TNR: variants seen among roughly 807,000 people sequenced by gnomAD.
The protein encoded by TNR is tenascin-R.
In TNR, 45 loss-of-function variants were observed where a neutral mutation model predicts 150.4. The ratio of observed to expected loss-of-function variants is 0.30; its 90% CI spans 0.24 to 0.38. The LOEUF is 0.38. TNR is among the 10% of genes least tolerant of loss of function. TNR has a pLI of 1.00. For missense variants in TNR, 1,544 were observed against 1,759.1 expected, an observed-to-expected ratio of 0.88 and a Z score of 2.19; for synonymous variants, 687 against 678.4, an observed-to-expected ratio of 1.01 and a Z score of -0.20.
chr1:175,536,699 C>T (rs1660304741), intron 1 of TNR, among the ~76,000 whole-genome samples: 1 of 152,188 alleles, frequency 6.6e-6, no homozygotes, highest in Admixed American at 6.5e-5. Flanking sequence ...ACCTTCTCAG[C>T]TAGAATACAA....
At chr1:175,489,262 G>A (rs896367842) in intron 2 of TNR, among the ~76,000 whole-genome samples, 3 of 152,140 alleles carry the variant, frequency 2.0e-5, no homozygotes, top group Non-Finnish European at 4.4e-5. Context: ...CTCACAAAGG[G>A]CACATCCACT....
At chr1:175,489,322 A>G (rs962499288) in intron 2 of TNR, among the ~76,000 whole-genome samples, 1 of 152,168 alleles carries the variant, frequency 6.6e-6, no homozygotes, top group Non-Finnish European at 1.5e-5. Flanking sequence ...ATCTCATGCA[A>G]GAAAGACTGT....
intron 1 of TNR, among the ~76,000 whole-genome samples, chr1:175,714,697 G>A (rs1252803208): frequency 6.6e-6 from 1 of 152,176 alleles, no homozygotes; most frequent in African/African-American, 2.4e-5. Context: ...AAAATCGATA[G>A]GCGCTTTAAT....
chr1:175,688,176 G>A (rs890562000), intron 1 of TNR, among the ~76,000 whole-genome samples: 2 of 152,202 alleles, frequency 1.3e-5, no homozygotes, highest in African/African-American at 2.4e-5. Context: ...CCTCAGCTCT[G>A]CTGAGTGCCA....
At chr1:175,417,369 C>T (rs1235391778) in intron 2 of TNR, among the ~76,000 whole-genome samples, 2 of 152,040 alleles carry the variant, frequency 1.3e-5, no homozygotes, top group African/African-American at 2.4e-5. Flanking sequence ...ATAGAATCAA[C>T]AAAGTTAACT....
chr1:175,469,901 G>A (rs775525517), intron 2 of TNR, among the ~76,000 whole-genome samples: 36 of 152,082 alleles, frequency 2.4e-4, no homozygotes, highest in Non-Finnish European at 4.7e-4. Context: ...GAGAGTGAGG[G>A]CATCAGCTGC....
chr1:175,600,953 A>G (rs762879253), intron 1 of TNR, among the ~76,000 whole-genome samples: 3 of 152,244 alleles, frequency 2.0e-5, no homozygotes, highest in Non-Finnish European at 4.4e-5. Context: ...TTCCTCTGAC[A>G]GTTCCTCATT....
intron 1 of TNR, among the ~76,000 whole-genome samples, chr1:175,566,311 G>C (rs1369398910): frequency 1.3e-5 from 2 of 152,238 alleles, no homozygotes; most frequent in Non-Finnish European, 2.9e-5. Flanking sequence ...AAATAAAAAG[G>C]AGATGAAATC....
intron 1 of TNR, among the ~76,000 whole-genome samples, chr1:175,713,351 T>A (rs538231757): frequency 2.6e-5 from 4 of 152,150 alleles, no homozygotes; most frequent in Admixed American, 6.5e-5. Flanking sequence ...GCCCCTATCC[T>A]TTTTTTCCCC....
At chr1:175,391,571 A>C (rs981432752) in intron 6 of TNR, 133 bp from the exon 7 acceptor site, 38 of 995,412 alleles carry the variant, frequency 3.8e-5, no homozygotes, top group Non-Finnish European at 4.9e-5. Flanking sequence ...TCTTTCCTCC[A>C]TGCTGACAGC....
At chr1:175,452,582 G>A (rs1656375699) in intron 2 of TNR, among the ~76,000 whole-genome samples, 1 of 152,218 alleles carries the variant, frequency 6.6e-6, no homozygotes, top group African/African-American at 2.4e-5. Context: ...CTGGGCAGAG[G>A]CTCACATGGC....
intron 1 of TNR, among the ~76,000 whole-genome samples, chr1:175,530,722 C>T (rs1226739056): frequency 6.7e-6 from 1 of 149,552 alleles, no homozygotes; most frequent in African/African-American, 2.5e-5. Context: ...AGTGCACTCT[C>T]TTTTTTTTTT....
intron 1 of TNR, among the ~76,000 whole-genome samples, chr1:175,598,719 G>A (rs1193724134): frequency 6.6e-6 from 1 of 152,192 alleles, no homozygotes; most frequent in Non-Finnish European, 1.5e-5. Flanking sequence ...GACAGAATAT[G>A]GGTCACATCT....
chr1:175,686,805 T>C (rs1435216096), intron 1 of TNR, among the ~76,000 whole-genome samples: 1 of 152,238 alleles, frequency 6.6e-6, no homozygotes, highest in East Asian at 1.9e-4. Flanking sequence ...TCCATGTTGC[T>C]GTAAAGAACA....
intron 2 of TNR, among the ~76,000 whole-genome samples, chr1:175,475,060 G>A (rs1167854578): frequency 6.6e-6 from 1 of 152,186 alleles, no homozygotes; most frequent in Admixed American, 6.5e-5. Flanking sequence ...AGCAACAGCT[G>A]CTCATATAAT....
chr1:175,325,676 T>C (rs1225860352), intron 21 of TNR, among the ~76,000 whole-genome samples: 1 of 152,194 alleles, frequency 6.6e-6, no homozygotes, highest in Non-Finnish European at 1.5e-5. Context: ...TACCATGGAA[T>C]ACTATGCAGC....
intron 9 of TNR, among the ~76,000 whole-genome samples, chr1:175,371,862 A>G (rs1242062266): frequency 1.3e-5 from 2 of 152,196 alleles, no homozygotes; most frequent in Non-Finnish European, 2.9e-5. Flanking sequence ...GGCCAGGAGG[A>G]AGGAGTGGAG....
chr1:175,731,992 C>A (rs1204880764), intron 1 of TNR, among the ~76,000 whole-genome samples: 1 of 152,172 alleles, frequency 6.6e-6, no homozygotes. Flanking sequence ...TCTGCTGACA[C>A]CCTGCTGTCA....
Position 175,337,697 on chromosome 1 carries a change from A to G in TNR, c.3383-18T>C. The G allele has an allele frequency of 1.9e-6, 3 of 1,613,310 alleles. No individual in the cohort carries two copies. The highest frequency in any genetic ancestry group is 2.5e-6 in the Non-Finnish European group (3 of 1,179,690). On this transcript the variant is annotated intron_variant, in intron 18 of 22. Coordinates refer to ENST00000367674, the MANE Select transcript of TNR (RefSeq NM_003285.3). ...CCGGCCTCCTGCAAGGAAAATAGAC[A>G]ATGTCCAGAAAGGATTCTTTCTCTC... is the stretch of plus-strand genomic sequence containing the variant.
Sources: gnomAD v4.1 joint callset for allele counts (sites outside exome capture counted in the v4.1 genomes callset) on GRCh38, gnomAD v4.1.1 for gene constraint, MANE v1.5 for transcripts, NCBI Gene and HGNC (gene_info 2026-07-23, HGNC 2026-07-21) for gene names.